Variants in USP15 observed in about 807,000 individuals in gnomAD.
The protein encoded by USP15 is ubiquitin specific peptidase 15, also known as ubiquitin carboxyl-terminal hydrolase 15.
A neutral mutation model predicts 127.1 loss-of-function variants in USP15; 18 were observed. The observed-to-expected ratio is 0.14, with a 90% CI of 0.10 to 0.21. The LOEUF is 0.21. Among genes scored for constraint, USP15 ranks in the 10% least tolerant of loss-of-function variants. The pLI is 1.00. For synonymous variants in USP15, 364 were observed against 393.7 expected (o/e 0.92, Z 0.89); for missense variants, 805 against 1,159.9 (o/e 0.69, Z 4.44).
Position 62,391,220 on chromosome 12 carries a change from A to G in USP15, c.2024A>G (p.Asn675Ser), listed in dbSNP as rs2067314983. ...CAGGATCAAGAACTTCCCTCAGAGA[A>G]TGAAAACAGTCAGTCTGAAGATTCA... Reference protein sequence around the residue: ...SSQDQELPSENENSQSEDSVG... With the variant: ...SSQDQELPSESENSQSEDSVG... The change falls in exon 16 of 22, where the codon AAT (asparagine) becomes AGT (serine). Residue 675 changes from asparagine (N) to serine (S), a missense_variant. Asn to Ser is a conservative substitution (Grantham distance 46). Around this residue, in one of 11 missense-constraint regions of USP15, gnomAD observed 225 missense variants for 239.5 expected, o/e 0.94. Coordinates refer to ENST00000280377, the MANE Select transcript of USP15 (RefSeq NM_001252078.2). 6.2e-7 allele frequency: 1 copy of G among 1,613,526 alleles called. No individual in the cohort carries two copies. Among genetic ancestry groups the G allele is most frequent in the East Asian group, 2.2e-5 (1 of 44,836 alleles).
At chr12:62,299,454 C>G (rs2064239164) in intron 2 of USP15, among the ~76,000 whole-genome samples, 1 of 152,140 alleles carries the variant, frequency 6.6e-6, no homozygotes, top group Admixed American at 6.6e-5. Context: ...TTTAGGACAG[C>G]ACAATGTTTT....
In USP15 at chr12:62,390,884, C is replaced by T; in HGVS notation, c.1865C>T (p.Thr622Ile). ...TTAAGCCGATATGTCAAAATATCTA[C>T]TGAAACTGAAGAAACTGAAGGATCC... ...LRMCRYVKIS[T>I]ETEETEGSLH... The change falls in exon 15 of 22, where the codon ACT becomes ATT. Residue 622 changes from threonine to isoleucine, a missense_variant. Transcript: ENST00000280377. The T allele has an allele frequency of 6.2e-7, 1 of 1,611,154 alleles. No individual in the cohort carries two copies. The highest frequency in any genetic ancestry group is 8.5e-7 in the Non-Finnish European group (1 of 1,178,230).
chr12:62,314,924 A>C lies in USP15; in HGVS notation c.475+8A>C, dbSNP rs757261797. 3.2e-6 allele frequency: 5 copies of C among 1,565,710 alleles called. No individual in the cohort carries two copies. Among genetic ancestry groups the C allele is most frequent in the Non-Finnish European group, 3.5e-6 (4 of 1,156,444 alleles). ...GCAAAGCTGACACAATAGGTAATGCAAGATCCTGTCTTGTTTTTAATCCAT... is the reference window on the plus strand; with the variant it reads ...GCAAAGCTGACACAATAGGTAATGCCAGATCCTGTCTTGTTTTTAATCCAT... On this transcript the variant is annotated splice_region_variant and intron_variant, in intron 4 of 21. Coordinates refer to ENST00000280377, the MANE Select transcript of USP15 (RefSeq NM_001252078.2).
chr12:62,408,213 T>A lies in USP15; in HGVS notation c.*3838T>A, dbSNP rs2067936723. The stretch of plus-strand genomic sequence containing the variant: ...TCTGCCTCCGAGAGGAGGAATATAT[T>A]AGACTGATAACGTTTAAGTCTGATG... On this transcript the variant is annotated 3_prime_UTR_variant, in exon 22 of 22. Coordinates refer to ENST00000280377, the MANE Select transcript of USP15 (RefSeq NM_001252078.2). 6.6e-6 allele frequency: 1 copy of A among 152,114 alleles called. No homozygotes were observed. The highest frequency in any genetic ancestry group is 6.6e-5 in the Admixed American group (1 of 15,252). The allele number at this position is 152,114 out of a possible 1,614,324, so 9.4% of individuals were successfully genotyped here.
intron 6 of USP15, 99 bp downstream of exon 6, chr12:62,326,032 C>T: frequency 1.0e-6 from 1 of 995,472 alleles, no homozygotes; most frequent in Non-Finnish European, 1.5e-6. Flanking sequence ...ATGTGTATTG[C>T]AGAAATTCAT....
intron 1 of USP15, among the ~76,000 whole-genome samples, chr12:62,278,258 G>A (rs532552546): frequency 3.8e-4 from 58 of 152,190 alleles, no homozygotes; most frequent in African/African-American, 1.3e-3. Flanking sequence ...TGATATCAGT[G>A]CCTTCATCTG....
At position 62,394,452 on chromosome 12, in the gene USP15, A is replaced by T. The variant is rs189239471; in HGVS notation, c.2570+1250A>T. ...ATTGGTGGCTATAAATTTAAAATTT[A>T]AAATTATTTGTAATTATTGAGTGAA... is the stretch of plus-strand genomic sequence containing the variant. On this transcript the variant is annotated intron_variant, in intron 19 of 21. Transcript: ENST00000280377. Among the ~76,000 whole-genome samples, 72 of 152,360 alleles carry T rather than the reference A, an allele frequency of 4.7e-4. No homozygotes were observed. In the East Asian group the frequency reaches 0.013, roughly 27 times the overall value.
At chr12:62,268,172 A>G (rs912236315) in intron 1 of USP15, among the ~76,000 whole-genome samples, 1 of 152,114 alleles carries the variant, frequency 6.6e-6, no homozygotes, top group African/African-American at 2.4e-5. Flanking sequence ...TATATTACAT[A>G]TATGAAATAC....
At chr12:62,304,786 G>A (rs1156526945) in intron 3 of USP15, 2 of 417,304 alleles carry the variant, frequency 4.8e-6, no homozygotes, top group South Asian at 1.7e-5. Context: ...AAGAAACCCA[G>A]GTAATTGAGT....
chr12:62,302,700 A>G (rs948885056), intron 2 of USP15, 90 bp from the exon 3 acceptor site: 21 of 1,392,562 alleles, frequency 1.5e-5, no homozygotes, highest in Non-Finnish European at 2.0e-5. Flanking sequence ...CTTGTTTTAA[A>G]TACTTAAATT....
intron 1 of USP15, among the ~76,000 whole-genome samples, chr12:62,260,928 A>C (rs1447847145): frequency 6.6e-6 from 1 of 152,016 alleles, no homozygotes. Context: ...CCTTTCCTAG[A>C]ATTGTCGGCG....
chr12:62,336,499 A>G, intron 6 of USP15: 1 of 984,694 alleles, frequency 1.0e-6, no homozygotes, highest in Non-Finnish European at 1.2e-6. Flanking sequence ...ACCCCTTTAC[A>G]TTCTTGAAAA....
intron 8 of USP15, among the ~76,000 whole-genome samples, chr12:62,362,391 ATGT>A (rs144969252): frequency 0.022 from 3,354 of 152,276 alleles, 125 homozygotes; most frequent in African/African-American, 0.075. Flanking sequence ...AGTAGCATTA[ATGT>A]TGTGCCATTT....
rs183851795 is a variant in USP15 at position 62,277,884 on chromosome 12, G to C, written c.90-16295G>C. 9.4e-3 allele frequency among the ~76,000 whole-genome samples: 1,426 copies of C among 152,212 alleles called. 14 individuals carry two copies. The highest frequency in any genetic ancestry group is 0.015 in the Admixed American group (233 of 15,272). ...ACACCATACACTTAGGCTACACTAA[G>C]TTAATTTAAAAATATTTTCTTCAAT... On this transcript the variant is annotated intron_variant, in intron 1 of 21. Transcript: ENST00000280377.
At position 62,321,447 on chromosome 12, in the gene USP15, T is replaced by C. The variant is rs771235046; in HGVS notation, c.476-17T>C. On this transcript the variant is annotated splice_polypyrimidine_tract_variant and intron_variant, in intron 4 of 21. Coordinates refer to ENST00000280377, the MANE Select transcript of USP15 (RefSeq NM_001252078.2). Reference sequence around the variant, plus strand: ...AAATACATACTATATTTATATATCTTTCCTCCTTAAATCTAGATACAATTG... The same window carrying C: ...AAATACATACTATATTTATATATCTCTCCTCCTTAAATCTAGATACAATTG... 3.0e-5 allele frequency: 44 copies of C among 1,482,914 alleles called. No homozygotes were observed. The highest frequency in any genetic ancestry group is 6.4e-6 in the Non-Finnish European group (7 of 1,092,042). The allele number at this position is 1,482,914 out of a possible 1,614,324, so 91.9% of individuals were successfully genotyped here. A position where few individuals can be genotyped will look rare whatever the true frequency, so the allele number is the denominator to read the frequency against.
chr12:62,327,022 C>CG (rs1166921331), intron 6 of USP15, among the ~76,000 whole-genome samples: 1 of 151,952 alleles, frequency 6.6e-6, no homozygotes, highest in African/African-American at 2.4e-5. Flanking sequence ...CCCAGCTACT[C>CG]GGGAGGCTGA....
At chr12:62,358,394 T>C (rs2066205283) in intron 8 of USP15, among the ~76,000 whole-genome samples, 1 of 152,134 alleles carries the variant, frequency 6.6e-6, no homozygotes, top group South Asian at 2.1e-4. Flanking sequence ...AATATGGTAC[T>C]GCCATATAGC....
rs370913789 is a variant in USP15, at chr12:62,273,980, C to T, written c.89+13477C>T. 3.3e-5 allele frequency among the ~76,000 whole-genome samples: 5 copies of T among 151,890 alleles called. No individual in the cohort carries two copies. The East Asian group carries it at 7.7e-4, about 23-fold the overall frequency. ...CTGCTATCTCACTTTTAAAAGTGAACTTATTGTTTCATAAAGAGGGAGTGT... is the reference window on the plus strand; with the variant it reads ...CTGCTATCTCACTTTTAAAAGTGAATTTATTGTTTCATAAAGAGGGAGTGT... On this transcript the variant is annotated intron_variant, in intron 1 of 21. Transcript: ENST00000280377.
chr12:62,334,935 T>C (rs980374252), intron 6 of USP15, among the ~76,000 whole-genome samples: 3 of 152,164 alleles, frequency 2.0e-5, no homozygotes, highest in Non-Finnish European at 4.4e-5. Flanking sequence ...TGAAACATAT[T>C]GGGCATAGGG....
Sources: gnomAD v4.1 joint callset for allele counts (sites outside exome capture counted in the v4.1 genomes callset) on GRCh38, gnomAD v4.1.1 for gene constraint, gnomAD v4.1.1 regional missense constraint, MANE v1.5 for transcripts, NCBI Gene and HGNC (gene_info 2026-07-23, HGNC 2026-07-21) for gene names.